The following CRPPA variants were observed in gnomAD, a reference collection of about 807,000 sequenced individuals.
CRPPA encodes the protein D-ribitol-5-phosphate cytidylyltransferase.
CRPPA carries 43 observed loss-of-function variants against 52.0 expected under a neutral mutation model. That is an observed-to-expected ratio of 0.83 (90% CI 0.65 to 1.07). CRPPA has a LOEUF of 1.07. Ranked by LOEUF, CRPPA falls within the 50% of genes least tolerant of loss-of-function variation. The pLI is 0.00. For missense variants in CRPPA, 629 were observed against 551.7 expected (o/e 1.14, Z -1.40); for synonymous variants, 250 against 203.5 (o/e 1.23, Z -1.94).
chr7:16,285,655 C>G (rs62440456), intron 5 of CRPPA, among the ~76,000 whole-genome samples: 33,407 of 151,680 alleles, frequency 0.22, 4,589 homozygotes, highest in Admixed American at 0.31. Context: ...TTAAGAAGCC[C>G]AAATTTTTCT....
intron 9 of CRPPA, among the ~76,000 whole-genome samples, chr7:16,177,120 A>G (rs1185327481): frequency 6.6e-6 from 1 of 152,158 alleles, no homozygotes; most frequent in Non-Finnish European, 1.5e-5. Context: ...ATGACAGAAG[A>G]GAAATCAATA....
chr7:16,112,308 G>T (rs532145956), intron 9 of CRPPA, among the ~76,000 whole-genome samples: 57 of 151,840 alleles, frequency 3.8e-4, no homozygotes, highest in African/African-American at 1.3e-3. Context: ...GAGTGAGATG[G>T]TGTCTCTCAA....
chr7:16,305,944 A>G (rs1784900642), intron 4 of CRPPA, among the ~76,000 whole-genome samples: 1 of 152,268 alleles, frequency 6.6e-6, no homozygotes, highest in South Asian at 2.1e-4. Context: ...CGAAATCAAG[A>G]TACAAGTAGG....
At chr7:16,393,850 C>G (rs944836399) in intron 2 of CRPPA, among the ~76,000 whole-genome samples, 2 of 151,894 alleles carry the variant, frequency 1.3e-5, no homozygotes, top group Non-Finnish European at 2.9e-5. Flanking sequence ...ATATATAACT[C>G]CTACAAGTCA....
rs1448208654 is a variant in CRPPA at position 16,258,799 on chromosome 7, T to C, written c.1026+121A>G. ...TATTATTTCTCTTTCAAAGATAAAA[T>C]CTCCAAAAATGTGTAGAAGAACTCA... On this transcript the variant is annotated intron_variant, in intron 7 of 9. Coordinates refer to ENST00000407010, the MANE Select transcript of CRPPA (RefSeq NM_001101426.4). 5 of 591,104 alleles carry C rather than the reference T, an allele frequency of 8.5e-6. No homozygotes were observed. In the Admixed American group the frequency reaches 1.8e-4, roughly 21 times the overall value. The allele number at this position is 591,104 out of a possible 1,614,324, so 36.6% of individuals were successfully genotyped here. A position where few individuals can be genotyped will look rare whatever the true frequency, so the allele number is the denominator to read the frequency against.
intron 9 of CRPPA, among the ~76,000 whole-genome samples, chr7:16,123,104 T>C (rs1441021358): frequency 6.6e-6 from 1 of 152,084 alleles, no homozygotes; most frequent in Non-Finnish European, 1.5e-5. Flanking sequence ...TTTAATATCT[T>C]ATAGTTTGGC....
At chr7:16,320,203 C>A (rs936173148) in intron 3 of CRPPA, among the ~76,000 whole-genome samples, 1 of 152,018 alleles carries the variant, frequency 6.6e-6, no homozygotes, top group African/African-American at 2.4e-5. Context: ...GCTATCTCTA[C>A]CCAGAAACAA....
intron 2 of CRPPA, among the ~76,000 whole-genome samples, chr7:16,388,872 T>C (rs570719061): frequency 6.6e-6 from 1 of 151,842 alleles, no homozygotes; most frequent in South Asian, 2.1e-4. Context: ...CAAGACTCCA[T>C]CTCAAACCAA....
chr7:16,402,184 T>C (rs1787834308), intron 2 of CRPPA, among the ~76,000 whole-genome samples: 3 of 152,208 alleles, frequency 2.0e-5, no homozygotes, highest in African/African-American at 7.2e-5. Context: ...CAAAATTATC[T>C]TGGCTTGGGA....
chr7:16,404,983 T>G (rs1441137807), intron 2 of CRPPA, among the ~76,000 whole-genome samples: 1 of 152,100 alleles, frequency 6.6e-6, no homozygotes, highest in Non-Finnish European at 1.5e-5. Context: ...AGTTTTAAAT[T>G]TAAAGTGAAA....
intron 3 of CRPPA, among the ~76,000 whole-genome samples, chr7:16,348,124 C>T (rs1237120137): frequency 6.6e-6 from 1 of 152,166 alleles, no homozygotes; most frequent in Admixed American, 6.5e-5. Context: ...TAATACCTTG[C>T]TGGCAACCTG....
intron 3 of CRPPA, among the ~76,000 whole-genome samples, chr7:16,342,737 G>A (rs1402003799): frequency 8.9e-6 from 1 of 112,236 alleles, no homozygotes; most frequent in Non-Finnish European, 1.7e-5. Flanking sequence ...AGAGCAGCCT[G>A]GGCAACAGGA....
intron 2 of CRPPA, among the ~76,000 whole-genome samples, chr7:16,395,752 T>A (rs1318774613): frequency 6.6e-6 from 1 of 152,202 alleles, no homozygotes; most frequent in African/African-American, 2.4e-5. Flanking sequence ...CATTATAACA[T>A]GATTGGGAAT....
At chr7:16,382,789 C>A (rs1787145637) in intron 2 of CRPPA, among the ~76,000 whole-genome samples, 1 of 152,122 alleles carries the variant, frequency 6.6e-6, no homozygotes, top group South Asian at 2.1e-4. Context: ...CGCATCGGCT[C>A]CTGAGGCTTC....
intron 2 of CRPPA, among the ~76,000 whole-genome samples, chr7:16,401,162 A>C (rs545791866): frequency 1.9e-4 from 29 of 152,294 alleles, no homozygotes; most frequent in African/African-American, 6.7e-4. Flanking sequence ...TGACCAGCCC[A>C]CTTCCTAAAT....
At chr7:16,096,896 G>C (rs987256578) in intron 9 of CRPPA, among the ~76,000 whole-genome samples, 3 of 152,128 alleles carry the variant, frequency 2.0e-5, no homozygotes, top group Non-Finnish European at 4.4e-5. Flanking sequence ...TTGGATGATG[G>C]CTTTATGACA....
intron 9 of CRPPA, among the ~76,000 whole-genome samples, chr7:16,128,336 T>A (rs997355626): frequency 6.6e-6 from 1 of 152,150 alleles, no homozygotes; most frequent in African/African-American, 2.4e-5. Context: ...TTTTATAATT[T>A]AAAAAAATTC....
intron 9 of CRPPA, among the ~76,000 whole-genome samples, chr7:16,211,238 A>T (rs1006859801): frequency 6.6e-6 from 1 of 152,230 alleles, no homozygotes; most frequent in East Asian, 1.9e-4. Flanking sequence ...CTCTATAAAA[A>T]CAATTTTTTT....
intron 8 of CRPPA, among the ~76,000 whole-genome samples, chr7:16,241,971 T>TTTGTGG (rs1783123848): frequency 1.2e-5 from 1 of 86,162 alleles, no homozygotes; most frequent in East Asian, 3.9e-4. Flanking sequence ...TTTTTTTTGT[T>TTTGTGG]GGGGGGAGAT....
Sources: gnomAD v4.1 joint callset for allele counts (sites outside exome capture counted in the v4.1 genomes callset) on GRCh38, gnomAD v4.1.1 for gene constraint, MANE v1.5 for transcripts, NCBI Gene and HGNC (gene_info 2026-07-23, HGNC 2026-07-21) for gene names.